Variants in ZRANB3 observed in about 807,000 individuals in gnomAD.
The protein encoded by ZRANB3 is DNA annealing helicase and endonuclease ZRANB3.
ZRANB3 carries 125 observed loss-of-function variants against 133.8 expected under a neutral mutation model. That is an observed-to-expected ratio of 0.93 (90% CI 0.81 to 1.08). The LOEUF (loss-of-function observed/expected upper bound fraction) is 1.08, where lower values mean the gene tolerates loss of function less well. Among genes scored for constraint, ZRANB3 ranks in the 50% least tolerant of loss-of-function variants. The probability of loss-of-function intolerance (pLI) is 0.00; values close to 1 mark genes in which losing one functional copy is unlikely to be tolerated. For missense variants in ZRANB3, 1,229 were observed against 1,275.5 expected (o/e 0.96, Z 0.56); for synonymous variants, 387 against 432.7 (o/e 0.89, Z 1.31).
At chr2:135,329,036 T>G (rs962529537) in intron 6 of ZRANB3, among the ~76,000 whole-genome samples, 3 of 152,232 alleles carry the variant, frequency 2.0e-5, no homozygotes, top group African/African-American at 7.2e-5. Flanking sequence ...GATAGTTTCT[T>G]TTGCAGTGCA....
intron 1 of ZRANB3, among the ~76,000 whole-genome samples, chr2:135,504,741 C>T (rs1043474375): frequency 6.6e-6 from 1 of 152,010 alleles, no homozygotes; most frequent in Non-Finnish European, 1.5e-5. Flanking sequence ...GCCATAATAC[C>T]ATATACTATA....
At chr2:135,222,631 T>C (rs1545395) in intron 15 of ZRANB3, among the ~76,000 whole-genome samples, 29,922 of 152,054 alleles carry the variant, frequency 0.2, 3,997 homozygotes, top group African/African-American at 0.35. Flanking sequence ...AACGCAGAGA[T>C]GGATATGGGA....
At chr2:135,479,642 G>C (rs893766033) in intron 2 of ZRANB3, among the ~76,000 whole-genome samples, 1 of 151,820 alleles carries the variant, frequency 6.6e-6, no homozygotes, top group African/African-American at 2.4e-5. Context: ...CTCCAGCCTG[G>C]GTGACAGAGC....
intron 2 of ZRANB3, among the ~76,000 whole-genome samples, chr2:135,463,105 A>T (rs964849742): frequency 6.6e-6 from 1 of 152,180 alleles, no homozygotes; most frequent in Non-Finnish European, 1.5e-5. Context: ...AAGTGGGAGG[A>T]CAGCTTGAAG....
rs1011687200 is a variant in ZRANB3, at chr2:135,505,987, T to C, written c.-7-1491A>G. Among the ~76,000 whole-genome samples the C allele has an allele frequency of 2.6e-5, 4 of 152,036 alleles. No homozygotes were observed. The East Asian group carries it at 5.8e-4, about 22-fold the overall frequency. Reference sequence around the variant, plus strand: ...GCTGTTTGGCTTATGGTCTGAAAGATGTAAAAAGCCACCCAGGATCAAAAT... The same window carrying C: ...GCTGTTTGGCTTATGGTCTGAAAGACGTAAAAAGCCACCCAGGATCAAAAT... On this transcript the variant is annotated intron_variant, in intron 1 of 20. Coordinates refer to ENST00000264159, the MANE Select transcript of ZRANB3 (RefSeq NM_032143.4).
intron 8 of ZRANB3, among the ~76,000 whole-genome samples, chr2:135,312,549 A>G (rs1048065336): frequency 5.3e-5 from 8 of 152,178 alleles, no homozygotes; most frequent in African/African-American, 1.9e-4. Context: ...TGACAGTTAC[A>G]CTAATTTTAC....
chr2:135,305,167 G>A (rs1255652098), intron 8 of ZRANB3, among the ~76,000 whole-genome samples: 2 of 152,062 alleles, frequency 1.3e-5, no homozygotes, highest in East Asian at 3.9e-4. Context: ...TAGTAGAGAC[G>A]GGGTTTCGCC....
At chr2:135,260,032 G>T (rs1400986270) in intron 12 of ZRANB3, among the ~76,000 whole-genome samples, 1 of 152,120 alleles carries the variant, frequency 6.6e-6, no homozygotes, top group South Asian at 2.1e-4. Flanking sequence ...TTAGATGAAG[G>T]CAGCAAAATG....
At chr2:135,486,270 C>T (rs1692115658) in intron 2 of ZRANB3, among the ~76,000 whole-genome samples, 1 of 152,212 alleles carries the variant, frequency 6.6e-6, no homozygotes, top group Non-Finnish European at 1.5e-5. Context: ...CCTGCTGATG[C>T]TGTATCAACT....
At chr2:135,525,848 C>CAAAAAAAAAAAAAAAAAAAA (rs557386914) in intron 1 of ZRANB3, among the ~76,000 whole-genome samples, 1 of 67,062 alleles carries the variant, frequency 1.5e-5, no homozygotes. Context: ...AACTCTGTCT[C>CAAAAAAAAAAAAAAAAAAAA]AAAAAAAAAA....
chr2:135,217,404 C>G, intron 17 of ZRANB3, 61 bp downstream of exon 17: 1 of 1,465,320 alleles, frequency 6.8e-7, no homozygotes, highest in South Asian at 1.4e-5. Flanking sequence ...CCTCAGACCC[C>G]CCTGTAGAAA....
At chr2:135,461,544 C>T (rs72986438) in intron 2 of ZRANB3, among the ~76,000 whole-genome samples, 6,769 of 152,246 alleles carry the variant, frequency 0.044, 507 homozygotes, top group African/African-American at 0.16. Context: ...GCACTCCAGC[C>T]TGGTCAACAA....
intron 8 of ZRANB3, among the ~76,000 whole-genome samples, chr2:135,294,503 T>C (rs1042921133): frequency 1.3e-5 from 2 of 152,182 alleles, no homozygotes; most frequent in African/African-American, 2.4e-5. Context: ...TTTATTAGTC[T>C]TGCTAGCAGT....
chr2:135,409,378 C>CA (rs1465958588), intron 2 of ZRANB3, among the ~76,000 whole-genome samples: 1 of 151,868 alleles, frequency 6.6e-6, no homozygotes, highest in Non-Finnish European at 1.5e-5. Flanking sequence ...GAATTAAAAA[C>CA]AAAAAACACA....
intron 2 of ZRANB3, among the ~76,000 whole-genome samples, chr2:135,455,291 C>T (rs973020515): frequency 1.4e-5 from 2 of 140,242 alleles, no homozygotes; most frequent in Admixed American, 8.0e-5. Context: ...CAGGTTCAAG[C>T]GATTCTCCTG....
chr2:135,316,302 C>T (rs553760822), intron 6 of ZRANB3, among the ~76,000 whole-genome samples: 1 of 152,132 alleles, frequency 6.6e-6, no homozygotes, highest in African/African-American at 2.4e-5. Flanking sequence ...GTACTGTGAA[C>T]AAATGTTAAC....
intron 6 of ZRANB3, among the ~76,000 whole-genome samples, chr2:135,327,810 G>A (rs1234496392): frequency 6.6e-6 from 1 of 151,954 alleles, no homozygotes; most frequent in African/African-American, 2.4e-5. Flanking sequence ...AAAACACATG[G>A]CATAGTATCA....
intron 3 of ZRANB3, among the ~76,000 whole-genome samples, chr2:135,355,721 T>C (rs1685404397): frequency 6.6e-6 from 1 of 152,192 alleles, no homozygotes; most frequent in South Asian, 2.1e-4. Context: ...TCAACAACTC[T>C]GCCAAAAACA....
intron 2 of ZRANB3, among the ~76,000 whole-genome samples, chr2:135,430,434 TA>T (rs76026768): frequency 1.3e-3 from 182 of 143,674 alleles, no homozygotes; most frequent in South Asian, 2.0e-3. Context: ...GTAAGAAGAT[TA>T]AAAAAAAAAA....
Sources: gnomAD v4.1 joint callset for allele counts (sites outside exome capture counted in the v4.1 genomes callset) on GRCh38, gnomAD v4.1.1 for gene constraint, MANE v1.5 for transcripts, NCBI Gene and HGNC (gene_info 2026-07-23, HGNC 2026-07-21) for gene names.